Variants in TTLL10 observed in about 807,000 individuals in gnomAD.
TTLL10 encodes inactive polyglycylase TTLL10.
TTLL10 carries 61 observed loss-of-function variants against 69.0 expected under a neutral mutation model. That is an observed-to-expected ratio of 0.88 (90% confidence interval 0.72 to 1.09). The LOEUF (loss-of-function observed/expected upper bound fraction) is 1.09, where lower values mean the gene tolerates loss of function less well. Ranked by LOEUF, TTLL10 falls within the 50% of genes least tolerant of loss-of-function variation. The probability of loss-of-function intolerance (pLI) is 0.00; values close to 1 mark genes in which losing one functional copy is unlikely to be tolerated. For missense variants in TTLL10, 962 were observed against 945.9 expected, an observed-to-expected ratio of 1.02 and a Z score of -0.22; for synonymous variants, 408 against 393.3, an observed-to-expected ratio of 1.04 and a Z score of -0.44.
intron 3 of TTLL10, among the ~76,000 whole-genome samples, chr1:1,176,847 A>G (rs1165801915): frequency 1.3e-5 from 2 of 152,234 alleles, no homozygotes; most frequent in South Asian, 2.1e-4. Context: ...CCGGTGTTGC[A>G]TTTTTAATTC....
chr1:1,184,612 G>C (rs932297804), intron 12 of TTLL10, among the ~76,000 whole-genome samples: 1 of 152,200 alleles, frequency 6.6e-6, no homozygotes, highest in Non-Finnish European at 1.5e-5. Flanking sequence ...GGGGCCGGGG[G>C]AGCAAGGTTA....
chr1:1,179,793 C>A (rs912801332), intron 5 of TTLL10, 56 bp downstream of exon 5: 3 of 1,491,550 alleles, frequency 2.0e-6, no homozygotes, highest in Non-Finnish European at 1.8e-6. Flanking sequence ...TCCCCACCCC[C>A]ACCTGGAACC....
chr1:1,180,799 C>A lies in TTLL10; in HGVS notation c.694C>A (p.Leu232Ile). 6.2e-7 allele frequency: 1 copy of A among 1,605,446 alleles called. No individual in the cohort carries two copies. The highest frequency in any genetic ancestry group is 2.3e-5 in the East Asian group (1 of 44,010). Reference sequence around the variant, plus strand: ...CACCAAGATCGGGCTGCTCAGCACCCTTCGGGGACGGGCACGGGCCATGAG... The same window carrying A: ...CACCAAGATCGGGCTGCTCAGCACCATTCGGGGACGGGCACGGGCCATGAG... ...LTTKIGLLSTLRGRARAMSKA... is the reference protein window; with the variant it reads ...LTTKIGLLSTIRGRARAMSKA... Residue 232 changes from leucine (L) to isoleucine (I), a missense_variant, in exon 8 of 16, where the codon CTT (leucine) becomes ATT (isoleucine). Physicochemically the swap from Leu to Ile is conservative, Grantham distance 5. Coordinates refer to ENST00000379289, the MANE Select transcript of TTLL10 (RefSeq NM_001130045.2).
Position 1,181,591 on chromosome 1 carries a change from C to T in TTLL10, c.756-150C>T, listed in dbSNP as rs1647071149. 1 of 688,398 alleles carries T rather than the reference C, an allele frequency of 1.5e-6. No individual in the cohort carries two copies. Among genetic ancestry groups the T allele is most frequent in the Non-Finnish European group, 2.5e-6 (1 of 399,800 alleles). The allele number at this position is 688,398 out of a possible 1,614,324, so 42.6% of individuals were successfully genotyped here. On this transcript the variant is annotated intron_variant, in intron 8 of 15. Transcript: ENST00000379289. The surrounding 1 kb of genome is among the most constrained non-coding windows in gnomAD (Gnocchi z 4.6). ...CAGCCTAGAGCAACACAGCTGTTTC[C>T]CCCAGGCACCGCCGTCCACCCAGCC... is the stretch of plus-strand genomic sequence containing the variant.
chr1:1,194,709 C>T (rs1267583860), intron 13 of TTLL10, among the ~76,000 whole-genome samples: 3 of 152,194 alleles, frequency 2.0e-5, no homozygotes, highest in African/African-American at 7.2e-5. Flanking sequence ...TCATACATAA[C>T]GAGCGGCTTC....
chr1:1,178,561 CA>C (rs34552082), intron 3 of TTLL10, among the ~76,000 whole-genome samples: 4,303 of 119,032 alleles, frequency 0.036, 84 homozygotes, highest in Non-Finnish European at 0.05. Context: ...AGCTCCGTCT[CA>C]AAAAAAAAAA....
rs1168595529 is a variant in TTLL10 at position 1,184,089 on chromosome 1, C to G, written c.1258C>G (p.Gln420Glu). 6.2e-7 allele frequency: 1 copy of G among 1,614,176 alleles called. No individual in the cohort carries two copies. Among genetic ancestry groups the G allele is most frequent in the Admixed American group, 1.7e-5 (1 of 60,028 alleles). Residue 420 changes from glutamine to glutamate, a missense_variant and splice_region_variant, in exon 12 of 16, where the codon CAG (glutamine) becomes GAG (glutamate). Physicochemically the swap from Gln to Glu is conservative, Grantham distance 29. Transcript: ENST00000379289. The part of the protein sequence containing the change: ...SSDLGGHLTN[Q>E]FMQKKSPLYM... ...CGACCTCGGCGGCCACTTGACCAACCAGGTGAGTCTGCCATGGGTGAGGGC... is the reference window on the plus strand; with the variant it reads ...CGACCTCGGCGGCCACTTGACCAACGAGGTGAGTCTGCCATGGGTGAGGGC...
chr1:1,195,500 C>CTTTTTTTTTTTTTTTTTTTTTT lies in TTLL10; in HGVS notation c.1402-1082_1402-1081insTTTTTTTTTTTTTTTTTTTTTT, dbSNP rs1168016636. On this transcript the variant is annotated intron_variant, in intron 13 of 15. Coordinates refer to ENST00000379289, the MANE Select transcript of TTLL10 (RefSeq NM_001130045.2). ...TATTTGATAAGACATCATCGTCATA[C>CTTTTTTTTTTTTTTTTTTTTTT]TTTTTTTTTTTTTTTTTTAGTTTTA... Among the ~76,000 whole-genome samples the CTTTTTTTTTTTTTTTTTTTTTT allele has an allele frequency of 5.9e-4, 58 of 98,742 alleles. 5 individuals are homozygous for CTTTTTTTTTTTTTTTTTTTTTT. In the East Asian group the frequency reaches 0.013, roughly 21 times the overall value. The allele number at this position is 98,742 out of a possible 152,430, so 64.8% of individuals were successfully genotyped here.
chr1:1,176,219 C>A (rs1179000746), intron 3 of TTLL10: 2 of 439,170 alleles, frequency 4.6e-6, no homozygotes, highest in Non-Finnish European at 9.0e-6. Context: ...CTGCTCCCAG[C>A]CGCTGTGCAG....
In TTLL10 at chr1:1,181,784, T is replaced by C; in HGVS notation, c.799T>C (p.Trp267Arg). Residue 267 changes from tryptophan to arginine, a missense_variant, in exon 9 of 16, where the codon TGG (tryptophan) becomes CGG (arginine). Transcript: ENST00000379289. This position sits in a 1 kb window ranked among gnomAD's most constrained non-coding sequence, Gnocchi z 4.6. ...AGCGCCCGCCCTGGAGGACCTCCCGTGGACAAGCCCAGGATACCTCAGGCC... is the reference window on the plus strand; with the variant it reads ...AGCGCCCGCCCTGGAGGACCTCCCGCGGACAAGCCCAGGATACCTCAGGCC... The part of the protein sequence containing the change: ...AAAPALEDLP[W>R]TSPGYLRPQR... The C allele has an allele frequency of 6.2e-7, 1 of 1,609,414 alleles. No individual in the cohort carries two copies. Among genetic ancestry groups the C allele is most frequent in the Non-Finnish European group, 8.5e-7 (1 of 1,178,824 alleles).
At chr1:1,176,261 A>G (rs774065776) in intron 3 of TTLL10, 1 of 447,942 alleles carries the variant, frequency 2.2e-6, no homozygotes, top group African/African-American at 2.1e-5. Context: ...GCAGGTGGAG[A>G]GAGGCTGACG....
Position 1,180,742 on chromosome 1 carries a change from C to G in TTLL10, c.637C>G (p.Leu213Val). 1 of 1,607,014 alleles carries G rather than the reference C, an allele frequency of 6.2e-7. No individual in the cohort carries two copies. The highest frequency in any genetic ancestry group is 8.5e-7 in the Non-Finnish European group (1 of 1,177,238). ...YGSFREGEQL[L>V]YQLPNNKLLT... Reference sequence around the variant, plus strand: ...CCTCTGACCTCCAGGAGAGCAGCTGCTGTACCAGCTTCCCAACAACAAGCT... The same window carrying G: ...CCTCTGACCTCCAGGAGAGCAGCTGGTGTACCAGCTTCCCAACAACAAGCT... Residue 213 changes from leucine (L) to valine (V), a missense_variant, in exon 8 of 16, where the codon CTG (leucine) becomes GTG (valine). Coordinates refer to ENST00000379289, the MANE Select transcript of TTLL10 (RefSeq NM_001130045.2).
At chr1:1,193,992 T>TA (rs941946828) in intron 13 of TTLL10, among the ~76,000 whole-genome samples, 3 of 151,918 alleles carry the variant, frequency 2.0e-5, no homozygotes, top group African/African-American at 4.8e-5. Context: ...ACCCCATCTC[T>TA]AAAAAACAAA....
chr1:1,176,960 C>T (rs1174772262), intron 3 of TTLL10, among the ~76,000 whole-genome samples: 2 of 152,154 alleles, frequency 1.3e-5, no homozygotes, highest in East Asian at 3.8e-4. Context: ...TGGTTTGTTT[C>T]CCTGTTTCTC....
At position 1,181,660 on chromosome 1, in the gene TTLL10, T is replaced by G; in HGVS notation, c.756-81T>G. ...TCACAGTCCGCCCACTCACCACCCA[T>G]GCCCCATCCCCCAGTCCCCACCCGC... On this transcript the variant is annotated intron_variant, in intron 8 of 15. Coordinates refer to ENST00000379289, the MANE Select transcript of TTLL10 (RefSeq NM_001130045.2). This position sits in a 1 kb window ranked among gnomAD's most constrained non-coding sequence, Gnocchi z 4.6. The G allele has an allele frequency of 1.5e-6, 2 of 1,329,008 alleles. No homozygotes were observed. Among genetic ancestry groups the G allele is most frequent in the Non-Finnish European group, 2.1e-6 (2 of 959,938 alleles). 82.3% of individuals were successfully genotyped at this position (1,329,008 alleles called of 1,614,324 possible).
intron 13 of TTLL10, among the ~76,000 whole-genome samples, chr1:1,189,196 G>A (rs1647562558): frequency 6.6e-6 from 1 of 152,182 alleles, no homozygotes; most frequent in African/African-American, 2.4e-5. Flanking sequence ...AGTAGCAAAA[G>A]CAGTCATCCT....
chr1:1,184,668 A>G (rs985449359), intron 12 of TTLL10, among the ~76,000 whole-genome samples: 5 of 152,074 alleles, frequency 3.3e-5, no homozygotes, highest in African/African-American at 9.7e-5. Context: ...CTTCTAGGTT[A>G]GGGGGATGTT....
intron 13 of TTLL10, among the ~76,000 whole-genome samples, chr1:1,193,065 G>A (rs1264970650): frequency 6.6e-5 from 10 of 152,206 alleles, no homozygotes; most frequent in African/African-American, 9.7e-5. Context: ...GGTGGCTCAC[G>A]CCTGTAATGC....
In TTLL10 at chr1:1,186,815, C is replaced by T. The variant is rs1647358652; in HGVS notation, c.1401+1706C>T. ...TTCAAACGCTGTGGCTGTTCTTTAC[C>T]ATCCAGTTGTGAAAGTTTTTTTTGT... On this transcript the variant is annotated intron_variant, in intron 13 of 15. Coordinates refer to ENST00000379289, the MANE Select transcript of TTLL10 (RefSeq NM_001130045.2). Among the ~76,000 whole-genome samples the T allele has an allele frequency of 2.0e-5, 3 of 151,574 alleles. No homozygotes were observed. The South Asian group carries it at 6.3e-4, about 32-fold the overall frequency.
Sources: gnomAD v4.1 joint callset for allele counts (sites outside exome capture counted in the v4.1 genomes callset) on GRCh38, gnomAD v4.1.1 for gene constraint, Gnocchi (gnomAD v3.1) non-coding constraint, MANE v1.5 for transcripts, NCBI Gene and HGNC (gene_info 2026-07-23, HGNC 2026-07-21) for gene names.